Variants in TMEM143 observed in about 807,000 individuals in gnomAD.
The protein encoded by TMEM143 is transmembrane protein 143.
Under a neutral mutation model 40.3 loss-of-function variants are expected in TMEM143, and 45 were observed. The ratio of observed to expected loss-of-function variants is 1.12; its 90% confidence interval spans 0.88 to 1.43. The LOEUF (loss-of-function observed/expected upper bound fraction) is 1.43. Among genes scored for constraint, TMEM143 ranks in the 40% most tolerant of loss-of-function variants. TMEM143 has a pLI of 0.00. For missense variants in TMEM143, 620 were observed against 613.4 expected (o/e 1.01, Z -0.11); for synonymous variants, 299 against 282.7 (o/e 1.06, Z -0.58).
intron 4 of TMEM143, among the ~76,000 whole-genome samples, chr19:48,344,765 G>A (rs939070436): frequency 6.6e-6 from 1 of 151,920 alleles, no homozygotes; most frequent in Non-Finnish European, 1.5e-5. Flanking sequence ...GGAGTGCAAT[G>A]GCACGATCTC....
Position 48,360,105 on chromosome 19 carries a change from C to A in TMEM143, c.336G>T (p.Leu112=). The A allele has an allele frequency of 6.2e-7, 1 of 1,614,152 alleles. No homozygotes were observed. The highest frequency in any genetic ancestry group is 8.5e-7 in the Non-Finnish European group (1 of 1,180,016). Residue 112 remains leucine (L), a synonymous_variant, in exon 3 of 8, where the codon CTG becomes CTT. Transcript: ENST00000293261. ...GGGCCAGGATTTGGTGGTAGTGGAA[C>A]AGGGTGCAGAAGTCCACGTGGGCCG... ...AFSAHVDFCT[L]FHYHQILARL...
At chr19:48,351,453 A>G (rs1026001749) in intron 3 of TMEM143, among the ~76,000 whole-genome samples, 3 of 152,042 alleles carry the variant, frequency 2.0e-5, no homozygotes, top group Non-Finnish European at 4.4e-5. Flanking sequence ...CAGCCACCAG[A>G]GGGCGCCAGT....
chr19:48,346,091 TTTTC>T (rs1969624613), intron 3 of TMEM143, among the ~76,000 whole-genome samples: 2 of 136,392 alleles, frequency 1.5e-5, no homozygotes, highest in South Asian at 2.3e-4. Flanking sequence ...CCTTTTTTCT[TTTTC>T]TTTCTCTTTT....
chr19:48,348,110 C>G (rs1706689716), intron 3 of TMEM143, among the ~76,000 whole-genome samples: 1 of 152,060 alleles, frequency 6.6e-6, no homozygotes, highest in African/African-American at 2.4e-5. Context: ...CCCACATCCT[C>G]CAGCCTAGGC....
At chr19:48,345,816 G>T (rs1355413109) in intron 3 of TMEM143, among the ~76,000 whole-genome samples, 7 of 148,426 alleles carry the variant, frequency 4.7e-5, no homozygotes, top group Non-Finnish European at 7.4e-5. Flanking sequence ...ACGGAGTCTC[G>T]CTCTGTCGCC....
At chr19:48,344,041 C>T (rs1969569231) in intron 4 of TMEM143, among the ~76,000 whole-genome samples, 2 of 151,968 alleles carry the variant, frequency 1.3e-5, no homozygotes, top group Non-Finnish European at 2.9e-5. Context: ...CACCCGCCAC[C>T]ATGCCTGGCT....
rs374021322 is a variant in TMEM143, at chr19:48,334,562, CCTTCCTTT to C, written c.976-373_976-366del. Among the ~76,000 whole-genome samples, 1,358 of 136,110 alleles carry C rather than the reference CCTTCCTTT, an allele frequency of 1.0e-2. 68 individuals carry two copies. The highest frequency in any genetic ancestry group is 0.037 in the African/African-American group (1,292 of 34,762). 89.3% of individuals were successfully genotyped at this position (136,110 alleles called of 152,430 possible). On this transcript the variant is annotated intron_variant, in intron 6 of 7. Coordinates refer to ENST00000293261, the MANE Select transcript of TMEM143 (RefSeq NM_018273.4). ...TTTTCTTTCTTTCTTTTTCTTCCTT[CCTTCCTTT>C]CTTTCTTTTCTTTCCTTTTTTTTTT... is the stretch of plus-strand genomic sequence containing the variant.
At position 48,342,551 on chromosome 19, in the gene TMEM143, G is replaced by A; in HGVS notation, c.954C>T (p.Phe318=). The part of the protein sequence containing the change: ...TSLLLLLFAI[F]MGLRASKMFG... ...TCACCTTGGAGGCCCGCAGGCCCATGAAGATGGCGAAGAGCAGCAGCAGCA... is the reference window on the plus strand; with the variant it reads ...TCACCTTGGAGGCCCGCAGGCCCATAAAGATGGCGAAGAGCAGCAGCAGCA... The change falls in exon 6 of 8, where the codon TTC becomes TTT. Residue 318 remains phenylalanine (F), a synonymous_variant. Transcript: ENST00000293261. 1 of 1,610,600 alleles carries A rather than the reference G, an allele frequency of 6.2e-7. No individual in the cohort carries two copies. Among genetic ancestry groups the A allele is most frequent in the Non-Finnish European group, 8.5e-7 (1 of 1,179,130 alleles).
intron 3 of TMEM143, among the ~76,000 whole-genome samples, chr19:48,345,815 C>T (rs1057098139): frequency 1.3e-5 from 2 of 149,680 alleles, no homozygotes; most frequent in African/African-American, 2.5e-5. Context: ...GACGGAGTCT[C>T]GCTCTGTCGC....
rs1442670741 is a variant in TMEM143, at chr19:48,333,491, G to A, written c.1166-58C>T. 3 of 1,223,884 alleles carry A rather than the reference G, an allele frequency of 2.5e-6. No homozygotes were observed. Among genetic ancestry groups the A allele is most frequent in the African/African-American group, 3.0e-5 (2 of 67,006 alleles). The allele number at this position is 1,223,884 out of a possible 1,614,324, so 75.8% of individuals were successfully genotyped here. On this transcript the variant is annotated intron_variant, in intron 7 of 7. Transcript: ENST00000293261. The surrounding 1 kb of genome is among the most constrained non-coding windows in gnomAD (Gnocchi z 4.1). ...CACTGAGATCGGGGAAGATTCGAGG[G>A]AGCAGCAAGGAGGGGCGTAGGGCAA...
chr19:48,363,816 G>A lies in TMEM143; in HGVS notation c.23+82C>T, dbSNP rs1484535685. On this transcript the variant is annotated intron_variant, in intron 1 of 7. Coordinates refer to ENST00000293261, the MANE Select transcript of TMEM143 (RefSeq NM_018273.4). ...CTAGACAGCGAGGTAGATCTTAGGAGAGCAGGAAATGCTCGTAAAGGTTAC... is the reference window on the plus strand; with the variant it reads ...CTAGACAGCGAGGTAGATCTTAGGAAAGCAGGAAATGCTCGTAAAGGTTAC... The A allele has an allele frequency of 3.8e-6, 6 of 1,598,564 alleles. No individual in the cohort carries two copies. In the Admixed American group the frequency reaches 1.0e-4, roughly 27 times the overall value.
chr19:48,333,529 G>A lies in TMEM143; in HGVS notation c.1166-96C>T, dbSNP rs1969267849. On this transcript the variant is annotated intron_variant, in intron 7 of 7. Transcript: ENST00000293261. The surrounding 1 kb of genome is among the most constrained non-coding windows in gnomAD (Gnocchi z 4.1). Reference sequence around the variant, plus strand: ...GGGCGTAGGGCAAAGAACAGGAAGGGCCTGGGTTTGGGAGAAGCCTAGGAG... The same window carrying A: ...GGGCGTAGGGCAAAGAACAGGAAGGACCTGGGTTTGGGAGAAGCCTAGGAG... 5 of 830,548 alleles carry A rather than the reference G, an allele frequency of 6.0e-6. No individual in the cohort carries two copies. The highest frequency in any genetic ancestry group is 9.5e-6 in the Non-Finnish European group (5 of 529,024). 51.4% of individuals were successfully genotyped at this position (830,548 alleles called of 1,614,324 possible). A position where few individuals can be genotyped will look rare whatever the true frequency, so the allele number is the denominator to read the frequency against.
intron 6 of TMEM143, 64 bp from the exon 7 acceptor site, chr19:48,334,261 C>T (rs536758690): frequency 4.7e-6 from 7 of 1,487,038 alleles, no homozygotes; most frequent in Middle Eastern, 2.2e-4. Context: ...ACACAGCCCC[C>T]GGGGTCACCC....
intron 3 of TMEM143, among the ~76,000 whole-genome samples, chr19:48,351,409 C>A (rs547221840): frequency 6.6e-6 from 1 of 152,174 alleles, no homozygotes; most frequent in Non-Finnish European, 1.5e-5. Flanking sequence ...GCTGTTCTCC[C>A]CGCCCCGTCC....
chr19:48,334,151 A>C lies in TMEM143; in HGVS notation c.1022T>G (p.Met341Arg). 7 of 1,608,662 alleles carry C rather than the reference A, an allele frequency of 4.4e-6. No homozygotes were observed. Among genetic ancestry groups the C allele is most frequent in the Middle Eastern group, 3.3e-4 (2 of 6,038 alleles). ...GTTGGACGTACTGCGATAGTACAGC[A>C]TGTGCGCCAGCTCCAACGCCTGCGC... is the stretch of plus-strand genomic sequence containing the variant. ...RSAQALELAH[M>R]LYYRSTSNNS... Residue 341 changes from methionine to arginine, a missense_variant, in exon 7 of 8, where the codon ATG (methionine) becomes AGG (arginine). By Grantham distance (91) the Met-to-Arg change is moderately conservative (BLOSUM62 -1). Transcript: ENST00000293261.
Position 48,363,490 on chromosome 19 carries a change from C to T in TMEM143, c.65G>A (p.Gly22Glu). The change falls in exon 2 of 8, where the codon GGG (glycine) becomes GAG (glutamate). Residue 22 changes from glycine (G) to glutamate (E), a missense_variant. Coordinates refer to ENST00000293261, the MANE Select transcript of TMEM143 (RefSeq NM_018273.4). ...TACTCGGACCCTGGACCCCCAGACC[C>T]CCCGGGTCACATGCAGCATGGCTAG... is the stretch of plus-strand genomic sequence containing the variant. ...KGLAMLHVTR[G>E]VWGSRVRVWP... The T allele has an allele frequency of 6.2e-7, 1 of 1,613,796 alleles. No individual in the cohort carries two copies. The highest frequency in any genetic ancestry group is 8.5e-7 in the Non-Finnish European group (1 of 1,179,962).
chr19:48,340,254 G>A (rs2069729553), intron 6 of TMEM143, among the ~76,000 whole-genome samples: 1 of 150,318 alleles, frequency 6.7e-6, no homozygotes, highest in Admixed American at 6.7e-5. Context: ...AGCCTCCAGA[G>A]TAGCTGGGAT....
chr19:48,363,606 C>A, intron 1 of TMEM143, 75 bp from the exon 2 acceptor site: 1 of 1,516,860 alleles, frequency 6.6e-7, no homozygotes. Context: ...ACGTCCCACC[C>A]TCCAGAAGCC....
At chr19:48,334,431 TTTCTTTC>T (rs1220190254) in intron 6 of TMEM143, among the ~76,000 whole-genome samples, 5 of 46,408 alleles carry the variant, frequency 1.1e-4, no homozygotes, top group African/African-American at 6.0e-4. Context: ...TCTTTCTTTC[TTTCTTTC>T]TTTCTTTCTT....
Sources: allele counts gnomAD v4.1 joint callset (sites outside exome capture counted in the v4.1 genomes callset), GRCh38; gene constraint gnomAD v4.1.1; non-coding constraint Gnocchi (gnomAD v3.1); transcripts MANE v1.5; gene names NCBI Gene and HGNC (gene_info 2026-07-23, HGNC 2026-07-21).